MED12L: variants seen among roughly 807,000 people sequenced by gnomAD.
The protein encoded by MED12L is mediator complex subunit 12L.
In MED12L, 60 loss-of-function variants were observed where a neutral mutation model predicts 281.3. The observed-to-expected ratio is 0.21, with a 90% CI of 0.17 to 0.26. MED12L has a LOEUF of 0.26. MED12L is among the 10% of genes least tolerant of loss of function. The probability of loss-of-function intolerance (pLI) is 1.00; values close to 1 mark genes in which losing one functional copy is unlikely to be tolerated. For synonymous variants in MED12L, 974 were observed against 987.2 expected (o/e 0.99, Z 0.25); for missense variants, 2,146 against 2,680.9 (o/e 0.80, Z 4.41).
chr3:151,208,786 T>C (rs1366326732), intron 16 of MED12L, among the ~76,000 whole-genome samples: 3 of 152,172 alleles, frequency 2.0e-5, no homozygotes, highest in Non-Finnish European at 2.9e-5. Context: ...AATGGAATGA[T>C]AGGAAAGTAA....
intron 16 of MED12L, among the ~76,000 whole-genome samples, chr3:151,259,918 A>G (rs1738537556): frequency 6.6e-6 from 1 of 152,144 alleles, no homozygotes; most frequent in South Asian, 2.1e-4. Context: ...TAATCCTTGT[A>G]TTTTAATTCT....
In MED12L at chr3:151,185,351, G is replaced by C. The variant is rs746093418; in HGVS notation, c.1516G>C (p.Val506Leu). ...NQEVAPNDEA[V>L]VTLLCEWAVS... is the part of the protein sequence containing the mutation. ...TTAGGTTGCGCCCAACGATGAAGCTGTGGTGACGCTGTTATGTGAATGGGC... is the reference window on the plus strand; with the variant it reads ...TTAGGTTGCGCCCAACGATGAAGCTCTGGTGACGCTGTTATGTGAATGGGC... The change falls in exon 12 of 45, where the codon GTG (valine) becomes CTG (leucine). Residue 506 changes from valine (V) to leucine (L), a missense_variant. Physicochemically the swap from Val to Leu is conservative, Grantham distance 32. Around this residue, in one of 9 missense-constraint regions of MED12L, gnomAD observed 722 missense variants for 861.2 expected, o/e 0.84. Coordinates refer to ENST00000687756, the MANE Select transcript of MED12L (RefSeq NM_001393769.1). The C allele has an allele frequency of 1.2e-6, 2 of 1,613,912 alleles. No individual in the cohort carries two copies. Among genetic ancestry groups the C allele is most frequent in the Admixed American group, 1.7e-5 (1 of 59,990 alleles).
chr3:151,129,387 G>C (rs904121778), intron 5 of MED12L, among the ~76,000 whole-genome samples: 20 of 151,778 alleles, frequency 1.3e-4, no homozygotes, highest in African/African-American at 4.8e-4. Flanking sequence ...GAAATGCCCA[G>C]GAAAAAATAC....
intron 43 of MED12L, among the ~76,000 whole-genome samples, chr3:151,429,795 G>A (rs2108476116): frequency 6.6e-6 from 1 of 152,220 alleles, no homozygotes; most frequent in Admixed American, 6.5e-5. Flanking sequence ...TGGGATTAGC[G>A]AACCTTCATC....
At chr3:151,392,256 G>A (rs923795654) in intron 38 of MED12L, among the ~76,000 whole-genome samples, 5 of 151,926 alleles carry the variant, frequency 3.3e-5, no homozygotes, top group Non-Finnish European at 7.4e-5. Context: ...CTAAGGTCAG[G>A]AGTTAAAGAC....
At chr3:151,347,072 C>T (rs1705999406) in intron 16 of MED12L, among the ~76,000 whole-genome samples, 1 of 152,110 alleles carries the variant, frequency 6.6e-6, no homozygotes, top group African/African-American at 2.4e-5. Flanking sequence ...AAGCCTGATC[C>T]TTTCCTAACT....
intron 16 of MED12L, among the ~76,000 whole-genome samples, chr3:151,318,437 T>A (rs764857101): frequency 5.9e-5 from 9 of 152,170 alleles, no homozygotes; most frequent in Non-Finnish European, 1.0e-4. Context: ...TTTGGGAGAT[T>A]TGTCCTTGTG....
At chr3:151,381,239 G>C (rs1712281067) in intron 32 of MED12L, among the ~76,000 whole-genome samples, 1 of 152,156 alleles carries the variant, frequency 6.6e-6, no homozygotes. Flanking sequence ...AATGGTACTA[G>C]ATGGACATGG....
intron 16 of MED12L, among the ~76,000 whole-genome samples, chr3:151,195,326 AT>A: frequency 6.6e-6 from 1 of 151,748 alleles, no homozygotes; most frequent in Admixed American, 6.6e-5. Flanking sequence ...AAACCCATTT[AT>A]TTTTTTCTTA....
chr3:151,112,230 C>T (rs1373912288), intron 2 of MED12L, among the ~76,000 whole-genome samples: 1 of 151,722 alleles, frequency 6.6e-6, no homozygotes, highest in Non-Finnish European at 1.5e-5. Context: ...TTTGTAGTTA[C>T]TATGTTGTGC....
chr3:151,234,082 G>A (rs930141524), intron 16 of MED12L, among the ~76,000 whole-genome samples: 2 of 152,208 alleles, frequency 1.3e-5, no homozygotes, highest in African/African-American at 4.8e-5. Context: ...ACTTTTAGGT[G>A]TATGCCCTAG....
At chr3:151,107,411 G>C (rs1403563791) in intron 2 of MED12L, among the ~76,000 whole-genome samples, 1 of 152,152 alleles carries the variant, frequency 6.6e-6, no homozygotes, top group Non-Finnish European at 1.5e-5. Flanking sequence ...TGCTTTCTGA[G>C]CAGGCAGTTT....
chr3:151,262,929 G>A (rs189480609), intron 16 of MED12L, among the ~76,000 whole-genome samples: 5 of 152,270 alleles, frequency 3.3e-5, no homozygotes, highest in African/African-American at 4.8e-5. Flanking sequence ...CTGAAGACAC[G>A]TAGCTGGTAA....
chr3:151,410,030 C>A (rs1307814462), intron 40 of MED12L, among the ~76,000 whole-genome samples: 3 of 152,038 alleles, frequency 2.0e-5, no homozygotes, highest in South Asian at 2.1e-4. Context: ...AAGAAAATAA[C>A]GGGGCTTGAA....
intron 39 of MED12L, among the ~76,000 whole-genome samples, chr3:151,405,031 GC>G (rs1322359254): frequency 6.6e-6 from 1 of 152,172 alleles, no homozygotes; most frequent in Non-Finnish European, 1.5e-5. Flanking sequence ...TATGCCAAAA[GC>G]CTTTGAGTCA....
Position 151,388,134 on chromosome 3 carries a change from G to A in MED12L, c.5413G>A (p.Gly1805Arg). The change falls in exon 37 of 45, where the codon GGA (glycine) becomes AGA (arginine). Residue 1805 changes from glycine (G) to arginine (R), a missense_variant. Transcript: ENST00000687756. ...TTTDEEKKTK[G>R]RKRKTKSSSR... ...AACAGATGAAGAAAAGAAAACAAAA[G>A]GAAGGAAGCGCAAGACGAAATCTAG... is the stretch of plus-strand genomic sequence containing the variant. 1 of 1,608,208 alleles carries A rather than the reference G, an allele frequency of 6.2e-7. No homozygotes were observed. Among genetic ancestry groups the A allele is most frequent in the South Asian group, 1.1e-5 (1 of 90,924 alleles).
At chr3:151,381,582 A>G (rs1165387323) in intron 32 of MED12L, among the ~76,000 whole-genome samples, 1 of 152,164 alleles carries the variant, frequency 6.6e-6, no homozygotes, top group African/African-American at 2.4e-5. Context: ...AGAGATTAGC[A>G]TGGCCTGCTC....
chr3:151,421,794 ATATT>A (rs1281775007), intron 43 of MED12L, among the ~76,000 whole-genome samples: 2 of 152,078 alleles, frequency 1.3e-5, no homozygotes, highest in South Asian at 2.1e-4. Flanking sequence ...TATTATAAAT[ATATT>A]TATTTATATT....
At chr3:151,294,388 T>G in intron 16 of MED12L, 1 of 1,614,064 alleles carries the variant, frequency 6.2e-7, no homozygotes, top group Non-Finnish European at 8.5e-7. Flanking sequence ...TTTGTGCAGA[T>G]TCATCTAAAA....
Sources: gnomAD v4.1 joint callset for allele counts (sites outside exome capture counted in the v4.1 genomes callset) on GRCh38, gnomAD v4.1.1 for gene constraint, gnomAD v4.1.1 regional missense constraint, MANE v1.5 for transcripts, NCBI Gene and HGNC (gene_info 2026-07-23, HGNC 2026-07-21) for gene names.